The following NDST4 variants were observed in gnomAD, a reference collection of about 807,000 sequenced individuals.
The protein encoded by NDST4 is N-deacetylase and N-sulfotransferase 4.
In NDST4, 63 loss-of-function variants were observed where a neutral mutation model predicts 100.8. The ratio of observed to expected loss-of-function variants is 0.62; its 90% CI spans 0.51 to 0.77. NDST4 has a LOEUF of 0.77. Ranked by LOEUF, NDST4 falls within the 30% of genes least tolerant of loss-of-function variation. The pLI, the probability that NDST4 is intolerant of heterozygous loss-of-function variation, is 0.00. For missense variants in NDST4, 943 were observed against 1,018.4 expected (o/e 0.93, Z 1.01); for synonymous variants, 377 against 361.8 (o/e 1.04, Z -0.48).
chr4:115,063,880 C>T (rs1182429755), intron 2 of NDST4, among the ~76,000 whole-genome samples: 1 of 151,480 alleles, frequency 6.6e-6, no homozygotes, highest in Non-Finnish European at 1.5e-5. Flanking sequence ...CTTTCTTTTC[C>T]TCACATAGAC....
chr4:115,017,255 C>G (rs1342157340), intron 2 of NDST4, among the ~76,000 whole-genome samples: 1 of 151,974 alleles, frequency 6.6e-6, no homozygotes, highest in Non-Finnish European at 1.5e-5. Context: ...CTTCAACATA[C>G]TATTACAAAA....
At chr4:114,930,238 T>C (rs1312930753) in intron 6 of NDST4, among the ~76,000 whole-genome samples, 2 of 152,292 alleles carry the variant, frequency 1.3e-5, no homozygotes, top group East Asian at 3.9e-4. Flanking sequence ...TGGAATACCT[T>C]TGAGGTACAT....
In NDST4 at chr4:115,104,762, G is replaced by A. The variant is rs557872984; in HGVS notation, c.-247+8682C>T. Reference sequence around the variant, plus strand: ...TATGATCAACAATACAGTAGAGACAGTAGAAAAAGGTGACTTAGATCATTA... The same window carrying A: ...TATGATCAACAATACAGTAGAGACAATAGAAAAAGGTGACTTAGATCATTA... On this transcript the variant is annotated intron_variant, in intron 1 of 13. Coordinates refer to ENST00000264363, the MANE Select transcript of NDST4 (RefSeq NM_022569.3). 2.2e-3 allele frequency among the ~76,000 whole-genome samples: 333 copies of A among 152,200 alleles called. 3 individuals are homozygous for A. Among genetic ancestry groups the A allele is most frequent in the Middle Eastern group, 3.4e-3 (1 of 294 alleles).
intron 2 of NDST4, among the ~76,000 whole-genome samples, chr4:115,017,710 A>G (rs1727709219): frequency 6.6e-6 from 1 of 152,040 alleles, no homozygotes; most frequent in Non-Finnish European, 1.5e-5. Flanking sequence ...TGTGCTAGGT[A>G]TATTATAAAA....
chr4:114,888,487 C>T (rs921650880), intron 6 of NDST4, among the ~76,000 whole-genome samples: 1 of 152,158 alleles, frequency 6.6e-6, no homozygotes, highest in Non-Finnish European at 1.5e-5. Context: ...CAAAGTAGCT[C>T]TTATATGCTA....
intron 1 of NDST4, among the ~76,000 whole-genome samples, chr4:115,099,959 C>T (rs111956236): frequency 8.5e-5 from 13 of 152,104 alleles, no homozygotes; most frequent in African/African-American, 2.4e-4. Flanking sequence ...TACATCTGTA[C>T]GGTGAAATAT....
At chr4:114,923,629 T>C (rs542615171) in intron 6 of NDST4, among the ~76,000 whole-genome samples, 6 of 152,184 alleles carry the variant, frequency 3.9e-5, no homozygotes, top group East Asian at 3.9e-4. Flanking sequence ...TTTTCTTTTC[T>C]TTTTTTCTTA....
At chr4:115,055,752 T>C (rs1343350628) in intron 2 of NDST4, among the ~76,000 whole-genome samples, 1 of 152,022 alleles carries the variant, frequency 6.6e-6, no homozygotes, top group East Asian at 1.9e-4. Flanking sequence ...AGAGGGATGA[T>C]AGATAAAGGG....
rs571916106 is a variant in NDST4 at position 114,929,766 on chromosome 4, T to A, written c.1536+5440A>T. On this transcript the variant is annotated intron_variant, in intron 6 of 13. Coordinates refer to ENST00000264363, the MANE Select transcript of NDST4 (RefSeq NM_022569.3). ...TTTTATGTTATTTAAAATCCTGAGA[T>A]TTATTTTAAGTTTAAATCTCCAAAT... is the stretch of plus-strand genomic sequence containing the variant. Among the ~76,000 whole-genome samples, 9 of 152,342 alleles carry A rather than the reference T, an allele frequency of 5.9e-5. 1 individual carries two copies. In the East Asian group the frequency reaches 1.7e-3, roughly 29 times the overall value.
At chr4:115,042,061 T>G (rs1728362951) in intron 2 of NDST4, among the ~76,000 whole-genome samples, 1 of 152,258 alleles carries the variant, frequency 6.6e-6, no homozygotes, top group African/African-American at 2.4e-5. Context: ...TTAATATGGT[T>G]TCATTTTCCA....
chr4:115,011,902 T>C (rs1295757436), intron 2 of NDST4, among the ~76,000 whole-genome samples: 4 of 151,908 alleles, frequency 2.6e-5, no homozygotes, highest in Non-Finnish European at 5.9e-5. Context: ...ATAAATAAAA[T>C]GCTTTGTTAA....
chr4:114,869,898 T>C (rs184958018), intron 7 of NDST4, among the ~76,000 whole-genome samples: 67 of 152,236 alleles, frequency 4.4e-4, no homozygotes, highest in Admixed American at 5.9e-4. Flanking sequence ...GCATGTAATA[T>C]GATTTATGGA....
Position 114,848,266 on chromosome 4 carries a change from A to G in NDST4, c.1889T>C (p.Phe630Ser). The G allele has an allele frequency of 1.2e-6, 2 of 1,611,442 alleles. No homozygotes were observed. Among genetic ancestry groups the G allele is most frequent in the Non-Finnish European group, 8.5e-7 (1 of 1,178,702 alleles). ...IISNLPSPKT[F>S]EEVQFFNGNN... is the part of the protein sequence containing the mutation. ...GCCATTAAAGAACTGAACTTCCTCA[A>G]ATGTCTTTGGACTAGGGAGATTGCT... Residue 630 changes from phenylalanine to serine, a missense_variant, in exon 9 of 14, where the codon TTT becomes TCT. This residue lies in a region of NDST4 where 526 missense variants were observed against 634.1 expected (regional missense o/e 0.83). Transcript: ENST00000264363.
At chr4:114,944,358 C>T (rs1725815240) in intron 4 of NDST4, among the ~76,000 whole-genome samples, 1 of 152,116 alleles carries the variant, frequency 6.6e-6, no homozygotes. Flanking sequence ...TGTCCCCAAC[C>T]CCACATCACA....
At chr4:114,895,846 A>G (rs1560800386) in intron 6 of NDST4, among the ~76,000 whole-genome samples, 1 of 152,106 alleles carries the variant, frequency 6.6e-6, no homozygotes, top group Non-Finnish European at 1.5e-5. Flanking sequence ...ATCCACCACG[A>G]TCAAGTTGGC....
chr4:115,110,727 C>T (rs1392683721), intron 1 of NDST4, among the ~76,000 whole-genome samples: 8 of 151,776 alleles, frequency 5.3e-5, no homozygotes, highest in Admixed American at 5.3e-4. Flanking sequence ...GGCTTATTTG[C>T]ATTTTTTCAA....
chr4:115,003,381 C>T (rs1266810962), intron 2 of NDST4, among the ~76,000 whole-genome samples: 2 of 152,106 alleles, frequency 1.3e-5, no homozygotes, highest in African/African-American at 2.4e-5. Context: ...CCAAGAAATG[C>T]ATGGAAATCA....
intron 1 of NDST4, among the ~76,000 whole-genome samples, chr4:115,090,160 T>C (rs1729487649): frequency 6.6e-6 from 1 of 151,848 alleles, no homozygotes; most frequent in African/African-American, 2.4e-5. Flanking sequence ...AATGAATTTT[T>C]TACTACTCAA....
At chr4:115,074,743 G>GA (rs1311003149) in intron 2 of NDST4, among the ~76,000 whole-genome samples, 2 of 151,862 alleles carry the variant, frequency 1.3e-5, no homozygotes, top group Non-Finnish European at 1.5e-5. Flanking sequence ...GTCTTAGGAT[G>GA]AAAAAAATAC....
Sources: gnomAD v4.1 joint callset for allele counts (sites outside exome capture counted in the v4.1 genomes callset) on GRCh38, gnomAD v4.1.1 for gene constraint, gnomAD v4.1.1 regional missense constraint, MANE v1.5 for transcripts, NCBI Gene and HGNC (gene_info 2026-07-23, HGNC 2026-07-21) for gene names.